SH3BGRL2: variants seen among roughly 807,000 people sequenced by gnomAD.
SH3BGRL2 encodes SH3 domain-binding glutamic acid-rich-like protein 2.
SH3BGRL2 carries 21 observed loss-of-function variants against 14.8 expected under a neutral mutation model. The ratio of observed to expected loss-of-function variants is 1.42; its 90% CI spans 1.01 to 2.05. The LOEUF is 2.05. SH3BGRL2 is among the 30% of genes most tolerant of loss of function. SH3BGRL2 has a pLI of 0.00. For synonymous variants in SH3BGRL2, 50 were observed against 47.8 expected, an observed-to-expected ratio of 1.05 and a Z score of -0.19; for missense variants, 147 against 130.8, an observed-to-expected ratio of 1.12 and a Z score of -0.61.
chr6:79,664,529 A>G (rs1477979464), intron 1 of SH3BGRL2, among the ~76,000 whole-genome samples: 14 of 152,186 alleles, frequency 9.2e-5, no homozygotes, highest in Non-Finnish European at 2.9e-5. Flanking sequence ...AATAAAGCCA[A>G]CTGGCCCAAT....
chr6:79,565,720 G>A, the SH3BGRL2 span, among the ~76,000 whole-genome samples: 1 of 152,102 alleles, frequency 6.6e-6, no homozygotes, highest in Non-Finnish European at 1.5e-5. Context: ...ACACATTTAC[G>A]AATACCCTTT....
At chr6:79,636,576 A>G (rs550938369) in intron 1 of SH3BGRL2, among the ~76,000 whole-genome samples, 6 of 152,270 alleles carry the variant, frequency 3.9e-5, no homozygotes, top group Admixed American at 2.0e-4. Context: ...TTAACACAAT[A>G]CCAAAAACTG....
At chr6:79,560,840 A>G in the SH3BGRL2 span, among the ~76,000 whole-genome samples, 1 of 151,388 alleles carries the variant, frequency 6.6e-6, no homozygotes. Context: ...AGAGTGGAAG[A>G]AATAAAATTA....
At chr6:79,580,264 C>T in the SH3BGRL2 span, among the ~76,000 whole-genome samples, 1 of 152,152 alleles carries the variant, frequency 6.6e-6, no homozygotes, top group Non-Finnish European at 1.5e-5. Flanking sequence ...ATATCCAGGA[C>T]CTGAACTCAG....
chr6:79,640,582 T>G (rs1004589512), intron 1 of SH3BGRL2, among the ~76,000 whole-genome samples: 10 of 152,124 alleles, frequency 6.6e-5, no homozygotes, highest in African/African-American at 2.2e-4. Context: ...CCCAAGGGGA[T>G]CTACTCTTTT....
the SH3BGRL2 span, among the ~76,000 whole-genome samples, chr6:79,615,832 C>CTTTTTT: frequency 9.5e-4 from 104 of 109,134 alleles, no homozygotes; most frequent in Non-Finnish European, 1.2e-3. Flanking sequence ...TTTTTTCTTT[C>CTTTTTT]TTTTTTTTTT....
At chr6:79,696,950 A>C (rs947356788) in intron 3 of SH3BGRL2, among the ~76,000 whole-genome samples, 2 of 152,060 alleles carry the variant, frequency 1.3e-5, no homozygotes, top group East Asian at 1.9e-4. Context: ...CTTTCATTGG[A>C]GAAGAGATGG....
the SH3BGRL2 span, among the ~76,000 whole-genome samples, chr6:79,626,305 T>G: frequency 6.6e-6 from 1 of 152,180 alleles, no homozygotes; most frequent in African/African-American, 2.4e-5. Flanking sequence ...TTCAAACTGC[T>G]TAAAAGAACT....
At chr6:79,672,653 G>A (rs1322600027) in intron 1 of SH3BGRL2, among the ~76,000 whole-genome samples, 1 of 152,106 alleles carries the variant, frequency 6.6e-6, no homozygotes, top group East Asian at 1.9e-4. Context: ...GGCACTATCT[G>A]TCATTTCAGG....
At chr6:79,632,456 T>G (rs376891013) in intron 1 of SH3BGRL2, among the ~76,000 whole-genome samples, 2 of 152,174 alleles carry the variant, frequency 1.3e-5, no homozygotes, top group Admixed American at 6.5e-5. Context: ...TATAATCAAG[T>G]AACATCAAAA....
chr6:79,661,065 T>A (rs1264131780), intron 1 of SH3BGRL2, among the ~76,000 whole-genome samples: 4 of 152,192 alleles, frequency 2.6e-5, no homozygotes, highest in Admixed American at 2.6e-4. Flanking sequence ...GTTTTGTTGA[T>A]CATTTCAAAA....
chr6:79,637,564 G>A (rs1398428017), intron 1 of SH3BGRL2, among the ~76,000 whole-genome samples: 2 of 151,846 alleles, frequency 1.3e-5, no homozygotes, highest in East Asian at 3.9e-4. Context: ...ATGGTGGCAG[G>A]CACCTGTAAT....
chr6:79,679,350 C>T (rs1425557896), intron 2 of SH3BGRL2, among the ~76,000 whole-genome samples: 1 of 150,840 alleles, frequency 6.6e-6, no homozygotes, highest in Non-Finnish European at 1.5e-5. Flanking sequence ...ATTTGCATTT[C>T]TCTGATGATT....
chr6:79,697,672 CA>C (rs1306713575), intron 3 of SH3BGRL2, among the ~76,000 whole-genome samples: 2 of 152,250 alleles, frequency 1.3e-5, no homozygotes, highest in East Asian at 3.9e-4. Flanking sequence ...AAAACCCACG[CA>C]TGCCGTATTT....
chr6:79,596,011 G>A, the SH3BGRL2 span, among the ~76,000 whole-genome samples: 1 of 151,690 alleles, frequency 6.6e-6, no homozygotes, highest in African/African-American at 2.4e-5. Flanking sequence ...AAAATCAATT[G>A]GATTTATAGA....
the SH3BGRL2 span, among the ~76,000 whole-genome samples, chr6:79,550,470 T>G: frequency 6.6e-6 from 1 of 152,162 alleles, no homozygotes; most frequent in African/African-American, 2.4e-5. Flanking sequence ...GATCCTTTTT[T>G]CCTCTTATTT....
chr6:79,649,107 A>C (rs779445314), intron 1 of SH3BGRL2, among the ~76,000 whole-genome samples: 7 of 152,176 alleles, frequency 4.6e-5, no homozygotes, highest in Non-Finnish European at 8.8e-5. Flanking sequence ...TCAAAGCCCA[A>C]GTGAGGGAAG....
chr6:79,648,029 CAAAT>C (rs1273678269), intron 1 of SH3BGRL2, among the ~76,000 whole-genome samples: 1 of 151,240 alleles, frequency 6.6e-6, no homozygotes, highest in Non-Finnish European at 1.5e-5. Context: ...ATAATTAACA[CAAAT>C]GAAATGATTA....
the SH3BGRL2 span, among the ~76,000 whole-genome samples, chr6:79,542,744 T>C: frequency 2.0e-5 from 3 of 152,212 alleles, no homozygotes; most frequent in Non-Finnish European, 4.4e-5. Flanking sequence ...CAGGCAACAA[T>C]TGGCTCTAGT....
Sources: allele counts gnomAD v4.1 joint callset (sites outside exome capture counted in the v4.1 genomes callset), GRCh38; gene constraint gnomAD v4.1.1; transcripts MANE v1.5; gene names NCBI Gene and HGNC (gene_info 2026-07-23, HGNC 2026-07-21).